The following CS variants were observed in gnomAD, a reference collection of about 807,000 sequenced individuals.
CS encodes citrate synthase, mitochondrial.
Under a neutral mutation model 61.4 loss-of-function variants are expected in CS, and 13 were observed. The observed-to-expected ratio is 0.21, with a 90% CI of 0.14 to 0.34. The LOEUF (loss-of-function observed/expected upper bound fraction) is 0.34. Ranked by LOEUF, CS falls within the 10% of genes least tolerant of loss-of-function variation. The pLI is 1.00. For missense variants in CS, 278 were observed against 573.4 expected (o/e 0.48, Z 5.26); for synonymous variants, 159 against 215.2 (o/e 0.74, Z 2.29).
intron 6 of CS, 31 bp downstream of exon 6, chr12:56,282,389 A>G: frequency 6.5e-7 from 1 of 1,530,326 alleles, no homozygotes; most frequent in Non-Finnish European, 8.8e-7. Context: ...AATCCCCATC[A>G]CACACCGATC....
intron 1 of CS, among the ~76,000 whole-genome samples, chr12:56,292,569 C>T (rs187047638): frequency 6.6e-6 from 1 of 151,284 alleles, no homozygotes; most frequent in Non-Finnish European, 1.5e-5. Flanking sequence ...CTGGCGTGTA[C>T]CCTTTCTGCA....
At chr12:56,281,259 A>C (rs1044129884) in intron 6 of CS, among the ~76,000 whole-genome samples, 2 of 152,346 alleles carry the variant, frequency 1.3e-5, no homozygotes, top group East Asian at 3.9e-4. Context: ...ACTTTTACCC[A>C]GTGTTTCTGA....
chr12:56,298,225 C>T (rs896519751), intron 1 of CS, among the ~76,000 whole-genome samples: 2 of 151,930 alleles, frequency 1.3e-5, no homozygotes, highest in Admixed American at 6.6e-5. Context: ...CTCAAATTCC[C>T]GACCTCAGGT....
chr12:56,300,123 A>G (rs34457402), intron 1 of CS, 37 bp downstream of exon 1: 25 of 1,548,354 alleles, frequency 1.6e-5, no homozygotes, highest in Non-Finnish European at 2.1e-5. Context: ...CCTCAGCCCC[A>G]CCCTGGGACG....
At chr12:56,280,415 C>CAAAAAAAA (rs1565620524) in intron 6 of CS, among the ~76,000 whole-genome samples, 1 of 11,446 alleles carries the variant, frequency 8.7e-5, no homozygotes, top group African/African-American at 9.5e-5. Context: ...ACACCGTCTC[C>CAAAAAAAA]CAAAAAAAAC....
chr12:56,291,613 G>C (rs1238639097), intron 1 of CS: 1 of 152,410 alleles, frequency 6.6e-6, no homozygotes, highest in African/African-American at 2.4e-5. Flanking sequence ...TCATTGATGA[G>C]ACAGGTAGAT....
intron 5 of CS, 83 bp downstream of exon 5, chr12:56,282,777 C>T (rs959906916): frequency 1.5e-5 from 24 of 1,583,720 alleles, no homozygotes; most frequent in East Asian, 6.7e-5. Context: ...CTATAAATGC[C>T]GGATCAGCAT....
At chr12:56,291,350 T>C in intron 1 of CS, 2 of 886,362 alleles carry the variant, frequency 2.3e-6, no homozygotes, top group African/African-American at 1.8e-5. Flanking sequence ...TCTTTCTTTC[T>C]TTCTTTTTTT....
chr12:56,277,661 C>CGCTCTGTCGCCGAG (rs1872662950), intron 6 of CS, among the ~76,000 whole-genome samples: 3 of 132,600 alleles, frequency 2.3e-5, no homozygotes, highest in Non-Finnish European at 4.7e-5. Flanking sequence ...GATGGATTCT[C>CGCTCTGTCGCCGAG]GCTCTGTCGC....
intron 1 of CS, among the ~76,000 whole-genome samples, chr12:56,288,003 G>GA (rs1191516991): frequency 1.3e-5 from 2 of 152,084 alleles, no homozygotes; most frequent in South Asian, 4.1e-4. Context: ...TACTAACTAG[G>GA]AATACGGCCT....
chr12:56,284,262 T>C (rs1285345862), intron 3 of CS, among the ~76,000 whole-genome samples: 1 of 135,384 alleles, frequency 7.4e-6, no homozygotes, highest in Non-Finnish European at 1.5e-5. Flanking sequence ...GAGATTGCAG[T>C]GAGCCAAGAT....
intron 6 of CS, among the ~76,000 whole-genome samples, chr12:56,278,250 C>T (rs1872679378): frequency 6.6e-6 from 1 of 152,146 alleles, no homozygotes; most frequent in South Asian, 2.1e-4. Context: ...TGTGCCTTGG[C>T]CTTCTGAGTA....
chr12:56,296,834 T>C (rs1873321730), intron 1 of CS, among the ~76,000 whole-genome samples: 2 of 152,292 alleles, frequency 1.3e-5, no homozygotes, highest in South Asian at 4.1e-4. Context: ...CATTCTAGTA[T>C]CAAGGAATCA....
At chr12:56,286,902 T>C (rs565813817) in intron 1 of CS, among the ~76,000 whole-genome samples, 1 of 152,324 alleles carries the variant, frequency 6.6e-6, no homozygotes, top group Non-Finnish European at 1.5e-5. Context: ...TCATCTGGGC[T>C]CCAGAGCAGG....
intron 1 of CS, chr12:56,291,806 A>G (rs1873133033): frequency 6.6e-6 from 1 of 152,208 alleles, no homozygotes; most frequent in African/African-American, 2.4e-5. Flanking sequence ...TCATGGGGAG[A>G]GATGGAGAGG....
At chr12:56,292,112 T>TTG (rs2135923953) in intron 1 of CS, among the ~76,000 whole-genome samples, 1 of 152,264 alleles carries the variant, frequency 6.6e-6, no homozygotes, top group Non-Finnish European at 1.5e-5. Flanking sequence ...AAGTTCTAAG[T>TTG]TGCAGCTGGG....
chr12:56,289,996 C>T (rs1378994517), intron 1 of CS, among the ~76,000 whole-genome samples: 1 of 151,986 alleles, frequency 6.6e-6, no homozygotes, highest in African/African-American at 2.4e-5. Flanking sequence ...CAGGTTCAAG[C>T]GATTCTCCTG....
chr12:56,280,440 A>AAAAACCCC (rs1555162655), intron 6 of CS, among the ~76,000 whole-genome samples: 1 of 119,848 alleles, frequency 8.3e-6, no homozygotes, highest in South Asian at 2.7e-4. Context: ...AAAAAAAACA[A>AAAAACCCC]AAAAATTAGC....
intron 9 of CS, chr12:56,274,056 G>T: frequency 4.3e-6 from 2 of 461,100 alleles, no homozygotes; most frequent in South Asian, 4.4e-5. Flanking sequence ...GCTCATGCCT[G>T]TAATCCCAGC....
Sources: gnomAD v4.1 joint callset for allele counts (sites outside exome capture counted in the v4.1 genomes callset) on GRCh38, gnomAD v4.1.1 for gene constraint, MANE v1.5 for transcripts, NCBI Gene and HGNC (gene_info 2026-07-23, HGNC 2026-07-21) for gene names.